NLRP2: variants seen among roughly 807,000 people sequenced by gnomAD.
The protein encoded by NLRP2 is NACHT, LRR and PYD domains-containing protein 2.
A neutral mutation model predicts 97.2 loss-of-function variants in NLRP2; 107 were observed. The ratio of observed to expected loss-of-function variants is 1.10; its 90% CI spans 0.94 to 1.29. NLRP2 has a LOEUF of 1.29. Ranked by LOEUF, NLRP2 falls within the 50% of genes most tolerant of loss-of-function variation. The pLI is 0.00. For missense variants in NLRP2, 1,495 were observed against 1,330.3 expected (o/e 1.12, Z -1.93); for synonymous variants, 663 against 551.5 (o/e 1.20, Z -2.83).
At position 54,985,187 on chromosome 19, in the gene NLRP2, CCT is replaced by C. The variant is rs865924041; in HGVS notation, c.2174_2175del (p.Ser725Ter). On this transcript the variant is annotated frameshift_variant, in exon 7 of 13. Coordinates refer to ENST00000448584, the MANE Select transcript of NLRP2 (RefSeq NM_017852.5). LOFTEE classifies it high-confidence loss of function. ...GTAAGGATCCTGTGTGAACAAATAGCCTCTGACACCTGTCATCTCCAGAGAGT... is the reference window on the plus strand; with the variant it reads ...GTAAGGATCCTGTGTGAACAAATAGCCTGACACCTGTCATCTCCAGAGAGT... 2.7e-5 allele frequency: 44 copies of C among 1,613,910 alleles called. No individual in the cohort carries two copies. The highest frequency in any genetic ancestry group is 5.3e-5 in the African/African-American group (4 of 74,894).
Position 54,983,535 on chromosome 19 carries a change from C to A in NLRP2, c.1837C>A (p.Gln613Lys). 6.2e-7 allele frequency: 1 copy of A among 1,614,144 alleles called. No homozygotes were observed. The highest frequency in any genetic ancestry group is 8.5e-7 in the Non-Finnish European group (1 of 1,180,020). The change falls in exon 6 of 13, where the codon CAG becomes AAG. Residue 613 changes from glutamine (Q) to lysine (K), a missense_variant. By Grantham distance (53) the Gln-to-Lys change is moderately conservative. Coordinates refer to ENST00000448584, the MANE Select transcript of NLRP2 (RefSeq NM_017852.5). ...GCTCCTCGGCTGTCTGTACGAGTCTCAGGAGGAGGAGCTGGTGAAGGAGGT... is the reference window on the plus strand; with the variant it reads ...GCTCCTCGGCTGTCTGTACGAGTCTAAGGAGGAGGAGCTGGTGAAGGAGGT... Reference protein sequence around the residue: ...QELLGCLYESQEEELVKEVMA... With the variant: ...QELLGCLYESKEEELVKEVMA...
Position 54,986,327 on chromosome 19 carries a change from A to G in NLRP2, c.2366+12A>G, listed in dbSNP as rs372450346. ...CTGCGATATCTCGGGTATATCTCTT[A>G]ATCATTAAAATCCTTCATCATACAA... On this transcript the variant is annotated intron_variant, in intron 8 of 12. Coordinates refer to ENST00000448584, the MANE Select transcript of NLRP2 (RefSeq NM_017852.5). 53 of 1,608,934 alleles carry G rather than the reference A, an allele frequency of 3.3e-5. No individual in the cohort carries two copies. Among genetic ancestry groups the G allele is most frequent in the Non-Finnish European group, 4.5e-5 (53 of 1,175,366 alleles).
chr19:54,969,516 G>A lies in NLRP2; in HGVS notation c.-17-483G>A, dbSNP rs191741047. Among the ~76,000 whole-genome samples the A allele has an allele frequency of 5.3e-3, 804 of 151,294 alleles. 12 individuals are homozygous for A. The highest frequency in any genetic ancestry group is 0.018 in the African/African-American group (741 of 41,234). Reference sequence around the variant, plus strand: ...AAAAAAATACAAAAAGTAGCTGAGCGTGGTGGTGGGTGCCCATAATCCCAG... The same window carrying A: ...AAAAAAATACAAAAAGTAGCTGAGCATGGTGGTGGGTGCCCATAATCCCAG... On this transcript the variant is annotated intron_variant, in intron 1 of 12. Transcript: ENST00000448584.
rs2070745400 is a variant in NLRP2, at chr19:54,970,093, C to T, written c.78C>T (p.Phe26=). 1 of 1,614,064 alleles carries T rather than the reference C, an allele frequency of 6.2e-7. No homozygotes were observed. Among genetic ancestry groups the T allele is most frequent in the African/African-American group, 1.3e-5 (1 of 75,006 alleles). ...EQLSQDELSK[F]KYLITTFSLA... ...TCAGCCAGGATGAGTTGAGCAAGTT[C>T]AAGTATCTGATCACGACCTTCTCCC... The change falls in exon 2 of 13, where the codon TTC becomes TTT. Residue 26 remains phenylalanine, a synonymous_variant. Coordinates refer to ENST00000448584, the MANE Select transcript of NLRP2 (RefSeq NM_017852.5).
chr19:54,997,125 A>G (rs2072872057), intron 11 of NLRP2, among the ~76,000 whole-genome samples, 192 bp from the exon 12 acceptor site: 1 of 152,078 alleles, frequency 6.6e-6, no homozygotes, highest in African/African-American at 2.4e-5. Context: ...GTTGGTCTTG[A>G]ACTCCTTGAC....
Position 54,990,605 on chromosome 19 carries a change from G to T in NLRP2, c.2641G>T (p.Gly881Trp). The T allele has an allele frequency of 6.2e-7, 1 of 1,614,156 alleles. No homozygotes were observed. The highest frequency in any genetic ancestry group is 8.5e-7 in the Non-Finnish European group (1 of 1,180,022). ...CCTGTGCTTGGCCAAGAACCCCATT[G>T]GGAATACAGGGGTGAAGTTTCTGTG... ...THLCLAKNPI[G>W]NTGVKFLCEG... The change falls in exon 10 of 13, where the codon GGG (glycine) becomes TGG (tryptophan). Residue 881 changes from glycine to tryptophan, a missense_variant. Gly to Trp is a radical substitution (Grantham distance 184, BLOSUM62 -2). Coordinates refer to ENST00000448584, the MANE Select transcript of NLRP2 (RefSeq NM_017852.5).
At chr19:54,996,618 C>T (rs2072838933) in intron 11 of NLRP2, among the ~76,000 whole-genome samples, 1 of 152,160 alleles carries the variant, frequency 6.6e-6, no homozygotes, top group Non-Finnish European at 1.5e-5. Context: ...CTTCTGTGAG[C>T]TGGCCACTGC....
In NLRP2 at chr19:54,974,656, G is replaced by C; in HGVS notation, c.325+112G>C. ...AGAATGCAAAGAAATGCCGGACTTA[G>C]CATCCCTGCTCCCAGGGCGGAGCTG... On this transcript the variant is annotated intron_variant, in intron 3 of 12. Transcript: ENST00000448584. 3.6e-6 allele frequency: 3 copies of C among 830,866 alleles called. 1 individual carries two copies. In the South Asian group the frequency reaches 4.3e-5, roughly 12 times the overall value. 51.5% of individuals were successfully genotyped at this position (830,866 alleles called of 1,614,324 possible).
chr19:54,986,395 A>C, intron 8 of NLRP2, 80 bp downstream of exon 8: 1 of 1,377,066 alleles, frequency 7.3e-7, no homozygotes, highest in Non-Finnish European at 1.0e-6. Flanking sequence ...TGTGTAAATA[A>C]GAAAAAGTTC....
chr19:54,971,228 A>G (rs2070834074), intron 2 of NLRP2, among the ~76,000 whole-genome samples: 1 of 150,592 alleles, frequency 6.6e-6, no homozygotes, highest in Admixed American at 6.7e-5. Flanking sequence ...TCATTGTTGG[A>G]CATTTGGGTT....
intron 2 of NLRP2, 24 bp from the exon 3 acceptor site, chr19:54,974,475 AT>A (rs1351904137): frequency 3.1e-6 from 5 of 1,605,496 alleles, no homozygotes; most frequent in Admixed American, 1.7e-5. Flanking sequence ...AAAATGCAAA[AT>A]TTTCCCCCCT....
At position 54,982,749 on chromosome 19, in the gene NLRP2, C is replaced by G. The variant is rs1238183293; in HGVS notation, c.1051C>G (p.Pro351Ala). 1 of 1,613,940 alleles carries G rather than the reference C, an allele frequency of 6.2e-7. No homozygotes were observed. The highest frequency in any genetic ancestry group is 1.3e-5 in the African/African-American group (1 of 74,916). The change falls in exon 6 of 13, where the codon CCG becomes GCG. Residue 351 changes from proline to alanine, a missense_variant. By Grantham distance (27) the Pro-to-Ala change is conservative. Coordinates refer to ENST00000448584, the MANE Select transcript of NLRP2 (RefSeq NM_017852.5). ...GGACCTCCGGATCCTGGCGGAGGAG[C>G]CGATCTACATAAGGGTGGAGGGCTT... ...LRDLRILAEEPIYIRVEGFLE... is the reference protein window; with the variant it reads ...LRDLRILAEEAIYIRVEGFLE...
intron 10 of NLRP2, 70 bp downstream of exon 10, chr19:54,990,742 G>A (rs2072422464): frequency 6.6e-7 from 1 of 1,523,804 alleles, no homozygotes; most frequent in South Asian, 1.1e-5. Flanking sequence ...GGTTTGAGTA[G>A]GGTGGTTATG....
rs974959032 is a variant in NLRP2 at position 54,966,437 on chromosome 19, T to G, written c.-48T>G. 1.3e-5 allele frequency: 2 copies of G among 152,070 alleles called. No individual in the cohort carries two copies. Among genetic ancestry groups the G allele is most frequent in the Admixed American group, 6.6e-5 (1 of 15,234 alleles). 9.4% of individuals were successfully genotyped at this position (152,070 alleles called of 1,614,324 possible). On this transcript the variant is annotated 5_prime_UTR_variant, in exon 1 of 13. Coordinates refer to ENST00000448584, the MANE Select transcript of NLRP2 (RefSeq NM_017852.5). ...GCTTTCTCAACCTGCAGCCCTCATC[T>G]CCGCCGGCGAGTAGGGCCAGGTGTT...
intron 2 of NLRP2, among the ~76,000 whole-genome samples, chr19:54,971,931 C>A (rs551824070): frequency 1.3e-5 from 2 of 151,462 alleles, no homozygotes; most frequent in South Asian, 4.2e-4. Context: ...CGGGTTCAAG[C>A]GATTCTCCTG....
intron 1 of NLRP2, among the ~76,000 whole-genome samples, chr19:54,969,621 C>T (rs2070715471): frequency 6.6e-6 from 1 of 152,188 alleles, no homozygotes. Context: ...TACTACTGTA[C>T]TCCAGCCTGG....
rs757893808 is a variant in NLRP2, at chr19:54,998,025, C to CTTTTT, written c.3050+551_3050+555dup. On this transcript the variant is annotated intron_variant, in intron 12 of 12. Coordinates refer to ENST00000448584, the MANE Select transcript of NLRP2 (RefSeq NM_017852.5). ...TGGGGTTTTGTTTTGTTTTTTCTTT[C>CTTTTT]TTTTTTTTTTTTTTTTTCTGAGATG... 6.4e-4 allele frequency among the ~76,000 whole-genome samples: 81 copies of CTTTTT among 127,284 alleles called. 1 individual carries two copies. Among genetic ancestry groups the CTTTTT allele is most frequent in the Non-Finnish European group, 1.1e-3 (69 of 61,656 alleles). 83.5% of individuals were successfully genotyped at this position (127,284 alleles called of 152,430 possible).
rs993600678 is a variant in NLRP2 at position 54,994,425 on chromosome 19, C to T, written c.2865C>T (p.Asn955=). 3 of 1,612,856 alleles carry T rather than the reference C, an allele frequency of 1.9e-6. No individual in the cohort carries two copies. Among genetic ancestry groups the T allele is most frequent in the African/African-American group, 2.7e-5 (2 of 75,004 alleles). The change falls in exon 11 of 13, where the codon AAC becomes AAT. Residue 955 remains asparagine, a synonymous_variant. Coordinates refer to ENST00000448584, the MANE Select transcript of NLRP2 (RefSeq NM_017852.5). ...LCEALRKPLC[N]LRCLWLWGCS... ...AGGCTTTGAGGAAACCACTGTGCAA[C>T]TTGAGATGTCTGTGGTGAGTTAACT...
chr19:54,975,106 G>GGTTTT (rs2071119955), intron 3 of NLRP2, among the ~76,000 whole-genome samples: 1 of 58,674 alleles, frequency 1.7e-5, no homozygotes, highest in Non-Finnish European at 3.5e-5. Context: ...ACCCGGTTTT[G>GGTTTT]TTTTTTTTTT....
Sources: allele counts gnomAD v4.1 joint callset (sites outside exome capture counted in the v4.1 genomes callset), GRCh38; gene constraint gnomAD v4.1.1; transcripts MANE v1.5; gene names NCBI Gene and HGNC (gene_info 2026-07-23, HGNC 2026-07-21).